ATP13A4: variants seen among roughly 807,000 people sequenced by gnomAD.
The protein encoded by ATP13A4 is probable cation-transporting ATPase 13A4.
A neutral mutation model predicts 142.5 loss-of-function variants in ATP13A4; 114 were observed. The observed-to-expected ratio is 0.80, with a 90% CI of 0.69 to 0.93. The LOEUF is 0.93. ATP13A4 is among the 40% of genes least tolerant of loss of function. The probability of loss-of-function intolerance (pLI) is 0.00; values close to 1 mark genes in which losing one functional copy is unlikely to be tolerated. For missense variants in ATP13A4, 1,392 were observed against 1,454.0 expected (o/e 0.96, Z 0.69); for synonymous variants, 488 against 514.8 (o/e 0.95, Z 0.70).
At chr3:193,440,886 A>G (rs546649368) in intron 20 of ATP13A4, among the ~76,000 whole-genome samples, 2 of 152,196 alleles carry the variant, frequency 1.3e-5, no homozygotes, top group Non-Finnish European at 2.9e-5. Flanking sequence ...ATGATGACCT[A>G]CAGGAATTTA....
At chr3:193,462,086 G>A (rs1717981642) in intron 13 of ATP13A4, among the ~76,000 whole-genome samples, 1 of 151,976 alleles carries the variant, frequency 6.6e-6, no homozygotes, top group Non-Finnish European at 1.5e-5. Flanking sequence ...GCCAGGCATG[G>A]TGGCAGGCAC....
At chr3:193,563,113 T>C in intron 2 of ATP13A4, among the ~76,000 whole-genome samples, 1 of 152,188 alleles carries the variant, frequency 6.6e-6, no homozygotes, top group Non-Finnish European at 1.5e-5. Flanking sequence ...AAAATAGTGT[T>C]AGAAGTTGAA....
At chr3:193,434,618 C>T (rs1716159905) in intron 24 of ATP13A4, among the ~76,000 whole-genome samples, 1 of 152,086 alleles carries the variant, frequency 6.6e-6, no homozygotes, top group Non-Finnish European at 1.5e-5. Flanking sequence ...TATAGTTTAT[C>T]GGAGAGCAAT....
intron 7 of ATP13A4, 91 bp from the exon 8 acceptor site, chr3:193,484,096 ACTGT>A: frequency 1.9e-6 from 2 of 1,045,456 alleles, no homozygotes; most frequent in Non-Finnish European, 3.0e-6. Context: ...AAGATAGAGC[ACTGT>A]CTTACTGCCA....
At chr3:193,449,846 G>C (rs553003891) in intron 17 of ATP13A4, among the ~76,000 whole-genome samples, 14 of 152,284 alleles carry the variant, frequency 9.2e-5, no homozygotes, top group African/African-American at 3.4e-4. Context: ...CCAGACAGAC[G>C]TGGTGGCTCA....
At chr3:193,497,189 C>A (rs1720289453) in intron 3 of ATP13A4, among the ~76,000 whole-genome samples, 1 of 152,208 alleles carries the variant, frequency 6.6e-6, no homozygotes, top group South Asian at 2.1e-4. Context: ...GGGTTAATAT[C>A]CAGAATACAT....
intron 1 of ATP13A4, among the ~76,000 whole-genome samples, chr3:193,525,289 C>T (rs1721940311): frequency 6.6e-6 from 1 of 152,134 alleles, no homozygotes; most frequent in Non-Finnish European, 1.5e-5. Context: ...GAGAAGAAAG[C>T]TGAAATCTTA....
chr3:193,470,106 T>C (rs1414820373), intron 9 of ATP13A4, among the ~76,000 whole-genome samples: 1 of 152,120 alleles, frequency 6.6e-6, no homozygotes, highest in African/African-American at 2.4e-5. Context: ...CCAATAAGAG[T>C]GCGTTCACAG....
In ATP13A4 at chr3:193,412,357, T is replaced by C; in HGVS notation, c.3029A>G (p.Gln1010Arg). 2 of 1,614,144 alleles carry C rather than the reference T, an allele frequency of 1.2e-6. No individual in the cohort carries two copies. Among genetic ancestry groups the C allele is most frequent in the Non-Finnish European group, 1.7e-6 (2 of 1,180,010 alleles). Residue 1010 changes from glutamine to arginine, a missense_variant, in exon 27 of 30, where the codon CAA becomes CGA. Transcript: ENST00000342695. ...SVEIHSACTV[Q>R]NESISELTMS... The stretch of plus-strand genomic sequence containing the variant: ...GGTTAACTCTGAGATGCTTTCATTT[T>C]GTACTGTGCAGGCACTAAAAGGGAA...
intron 8 of ATP13A4, among the ~76,000 whole-genome samples, chr3:193,478,469 A>T (rs1719097601): frequency 6.6e-6 from 1 of 152,056 alleles, no homozygotes; most frequent in Non-Finnish European, 1.5e-5. Flanking sequence ...CAGAAACACA[A>T]AAGATCATTC....
intron 2 of ATP13A4, among the ~76,000 whole-genome samples, chr3:193,573,308 C>CATATATATATATATACTTAT (rs1724326352): frequency 9.6e-6 from 1 of 103,658 alleles, no homozygotes; most frequent in African/African-American, 4.7e-5. Context: ...TATATATATA[C>CATATATATATATATACTTAT]ATATATATAT....
chr3:193,424,996 G>C (rs1715585070), intron 25 of ATP13A4, among the ~76,000 whole-genome samples: 1 of 147,728 alleles, frequency 6.8e-6, no homozygotes, highest in Non-Finnish European at 1.5e-5. Flanking sequence ...AAACTCAATA[G>C]CAAAAATAAT....
intron 28 of ATP13A4, among the ~76,000 whole-genome samples, chr3:193,408,573 G>A (rs991130081): frequency 6.6e-6 from 1 of 152,156 alleles, no homozygotes; most frequent in African/African-American, 2.4e-5. Flanking sequence ...GAGGATAAAT[G>A]GTGGATACCC....
intron 18 of ATP13A4, 143 bp downstream of exon 18, chr3:193,448,063 A>T: frequency 9.6e-7 from 1 of 1,045,136 alleles, no homozygotes. Context: ...AAAGCAGTAA[A>T]TGTGCCTTTT....
intron 25 of ATP13A4, among the ~76,000 whole-genome samples, chr3:193,422,819 T>A (rs1715472761): frequency 1.3e-5 from 2 of 149,342 alleles, no homozygotes; most frequent in South Asian, 4.2e-4. Context: ...CTCAAGGAAG[T>A]AGAAGAACAA....
chr3:193,579,328 T>C, intron 2 of ATP13A4: 2 of 207,552 alleles, frequency 9.6e-6, no homozygotes, highest in Non-Finnish European at 1.9e-5. Flanking sequence ...ACCACGTGTG[T>C]AGATTGGATG....
chr3:193,547,851 C>A (rs1314781019), intron 1 of ATP13A4, among the ~76,000 whole-genome samples: 1 of 152,146 alleles, frequency 6.6e-6, no homozygotes, highest in Non-Finnish European at 1.5e-5. Flanking sequence ...ACAAGGGACA[C>A]CTCGTTTTCA....
At chr3:193,454,403 A>G (rs1229860082) in intron 16 of ATP13A4, among the ~76,000 whole-genome samples, 191 bp from the exon 17 acceptor site, 1 of 152,236 alleles carries the variant, frequency 6.6e-6, no homozygotes, top group African/African-American at 2.4e-5. Context: ...GTGAAGCTAA[A>G]ATGAGAAGGA....
chr3:193,538,892 CTTTTTTTTTTTT>C (rs67132373), intron 1 of ATP13A4, among the ~76,000 whole-genome samples: 2 of 120,856 alleles, frequency 1.7e-5, no homozygotes, highest in African/African-American at 6.1e-5. Context: ...TTGGTTTTTT[CTTTTTTTTTTTT>C]TTTTTTTGAG....
Sources: allele counts gnomAD v4.1 joint callset (sites outside exome capture counted in the v4.1 genomes callset), GRCh38; gene constraint gnomAD v4.1.1; transcripts MANE v1.5; gene names NCBI Gene and HGNC (gene_info 2026-07-23, HGNC 2026-07-21).